MCCC2: variants seen among roughly 807,000 people sequenced by gnomAD.
MCCC2 encodes methylcrotonyl-CoA carboxylase subunit 2, also known as methylcrotonoyl-CoA carboxylase beta chain, mitochondrial.
MCCC2 carries 52 observed loss-of-function variants against 77.2 expected under a neutral mutation model. That is an observed-to-expected ratio of 0.67 (90% confidence interval 0.54 to 0.85). The LOEUF (loss-of-function observed/expected upper bound fraction) is 0.85. Among genes scored for constraint, MCCC2 ranks in the 40% least tolerant of loss-of-function variants. The probability of loss-of-function intolerance (pLI) is 0.00; values close to 1 mark genes in which losing one functional copy is unlikely to be tolerated. For missense variants in MCCC2, 682 were observed against 703.2 expected, an observed-to-expected ratio of 0.97 and a Z score of 0.34; for synonymous variants, 253 against 248.4, an observed-to-expected ratio of 1.02 and a Z score of -0.18.
At chr5:71,603,730 T>C (rs928411062) in intron 5 of MCCC2, among the ~76,000 whole-genome samples, 1 of 152,204 alleles carries the variant, frequency 6.6e-6, no homozygotes, top group Non-Finnish European at 1.5e-5. Context: ...CAGCATATAA[T>C]GTGCAACCAA....
intron 5 of MCCC2, 78 bp from the exon 6 acceptor site, chr5:71,604,278 T>G (rs1745575465): frequency 8.3e-7 from 1 of 1,201,208 alleles, no homozygotes; most frequent in Non-Finnish European, 1.2e-6. Flanking sequence ...GAACTGATGC[T>G]GTCATTGATA....
Position 71,649,205 on chromosome 5 carries a change from GGGGCTCCTATGGAGCC to G in MCCC2, c.1328_1343del (p.Gly443GlufsTer25). 6.2e-7 allele frequency: 1 copy of G among 1,614,142 alleles called. No individual in the cohort carries two copies. Reference sequence around the variant, plus strand: ...GTGCCTAAGATAACCCTCATCATTGGGGGCTCCTATGGAGCCGGAAACTATGGGATGTGTGGCAGAG... The same window carrying G: ...GTGCCTAAGATAACCCTCATCATTGGGGAAACTATGGGATGTGTGGCAGAG... On this transcript the variant is annotated frameshift_variant, in exon 14 of 17. Coordinates refer to ENST00000340941, the MANE Select transcript of MCCC2 (RefSeq NM_022132.5). LOFTEE classifies it high-confidence loss of function.
intron 3 of MCCC2, 114 bp downstream of exon 3, chr5:71,596,478 C>T (rs1332198436): frequency 9.2e-6 from 9 of 982,266 alleles, no homozygotes; most frequent in East Asian, 4.8e-5. Context: ...GATTCAGGAA[C>T]ATGTGTTTAT....
In MCCC2 at chr5:71,656,765, G is replaced by A. The variant is rs773127732; in HGVS notation, c.1597G>A (p.Asp533Asn). The A allele has an allele frequency of 7.4e-6, 12 of 1,613,852 alleles. No homozygotes were observed. Among genetic ancestry groups the A allele is most frequent in the Non-Finnish European group, 7.6e-6 (9 of 1,179,934 alleles). Residue 533 changes from aspartate to asparagine, a missense_variant, in exon 17 of 17, where the codon GAT becomes AAT. Physicochemically the swap from Asp to Asn is conservative, Grantham distance 23 (BLOSUM62 1). Coordinates refer to ENST00000340941, the MANE Select transcript of MCCC2 (RefSeq NM_022132.5). ...CAGGGTATGGGATGATGGGATCATTGATCCAGCAGACACCAGACTGGTCTT... is the reference window on the plus strand; with the variant it reads ...CAGGGTATGGGATGATGGGATCATTAATCCAGCAGACACCAGACTGGTCTT... Reference protein sequence around the residue: ...SARVWDDGIIDPADTRLVLGL... With the variant: ...SARVWDDGIINPADTRLVLGL...
intron 6 of MCCC2, among the ~76,000 whole-genome samples, chr5:71,615,246 G>A (rs1746123438): frequency 6.6e-6 from 1 of 152,144 alleles, no homozygotes; most frequent in Admixed American, 6.5e-5. Flanking sequence ...TAGGATTATA[G>A]GCGTGAGCCA....
chr5:71,644,032 C>CCTGT (rs746221732), intron 12 of MCCC2, 137 bp downstream of exon 12: 5 of 538,738 alleles, frequency 9.3e-6, no homozygotes, highest in East Asian at 5.4e-5. Context: ...TGTGCGCGGG[C>CCTGT]ATGTGTGTGT....
At chr5:71,632,494 C>T (rs914436591) in intron 8 of MCCC2, among the ~76,000 whole-genome samples, 1 of 152,104 alleles carries the variant, frequency 6.6e-6, no homozygotes, top group Non-Finnish European at 1.5e-5. Context: ...TCTTTGACTT[C>T]GAGGACCTTA....
intron 1 of MCCC2, among the ~76,000 whole-genome samples, chr5:71,591,230 AAAATGTATT>A (rs1434335141): frequency 6.6e-6 from 1 of 152,240 alleles, no homozygotes; most frequent in East Asian, 1.9e-4. Flanking sequence ...CATGGGGAGC[AAAATGTATT>A]AGTGGGCCAA....
chr5:71,651,671 G>A (rs993667072), intron 15 of MCCC2, among the ~76,000 whole-genome samples: 9 of 152,246 alleles, frequency 5.9e-5, no homozygotes, highest in East Asian at 1.9e-4. Context: ...CCAAGCACTC[G>A]GAACTCTGGA....
intron 6 of MCCC2, among the ~76,000 whole-genome samples, chr5:71,612,576 T>C (rs1359602670): frequency 1.3e-5 from 2 of 152,184 alleles, no homozygotes; most frequent in African/African-American, 4.8e-5. Context: ...CAGGCTGGTC[T>C]CAAATTCTTG....
rs574486848 is a variant in MCCC2 at position 71,604,416 on chromosome 5, T to G, written c.572T>G (p.Phe191Cys). ...QADVFPDRDH[F>C]GRTFYNQAIM... Reference sequence around the variant, plus strand: ...GATGTGTTTCCAGATCGAGACCACTTTGGCCGTACATTCTATAATCAGGCA... The same window carrying G: ...GATGTGTTTCCAGATCGAGACCACTGTGGCCGTACATTCTATAATCAGGCA... The change falls in exon 6 of 17, where the codon TTT becomes TGT. Residue 191 changes from phenylalanine (F) to cysteine (C), a missense_variant. Phe to Cys is a radical substitution (Grantham distance 205). Transcript: ENST00000340941. 1 of 1,614,134 alleles carries G rather than the reference T, an allele frequency of 6.2e-7. No individual in the cohort carries two copies. The highest frequency in any genetic ancestry group is 2.2e-5 in the East Asian group (1 of 44,878).
rs189822699 is a variant in MCCC2 at position 71,627,772 on chromosome 5, G to A, written c.738+1019G>A. 8.5e-4 allele frequency among the ~76,000 whole-genome samples: 129 copies of A among 151,496 alleles called. 1 individual carries two copies. The highest frequency in any genetic ancestry group is 1.5e-3 in the Non-Finnish European group (100 of 67,936). Reference sequence around the variant, plus strand: ...CAGCCATCTTTGGGGGTGTGAGGTAGTACCTCATTTTGGTTTTGATTTGCA... The same window carrying A: ...CAGCCATCTTTGGGGGTGTGAGGTAATACCTCATTTTGGTTTTGATTTGCA... On this transcript the variant is annotated intron_variant, in intron 7 of 16. Coordinates refer to ENST00000340941, the MANE Select transcript of MCCC2 (RefSeq NM_022132.5).
At chr5:71,597,537 T>C (rs1561819865) in intron 3 of MCCC2, among the ~76,000 whole-genome samples, 2 of 151,974 alleles carry the variant, frequency 1.3e-5, no homozygotes, top group Non-Finnish European at 2.9e-5. Context: ...AGGGTAGTAG[T>C]AGTGGTGGTG....
chr5:71,644,074 C>CGTGTGT (rs1224306842), intron 12 of MCCC2, among the ~76,000 whole-genome samples, 179 bp downstream of exon 12: 1 of 134,446 alleles, frequency 7.4e-6, no homozygotes, highest in Admixed American at 6.8e-5. Context: ...TGTGTGTGCG[C>CGTGTGT]GCGTGTGTAT....
chr5:71,652,552 A>G, intron 15 of MCCC2, 117 bp from the exon 16 acceptor site: 1 of 796,520 alleles, frequency 1.3e-6, no homozygotes, highest in Admixed American at 2.0e-5. Context: ...ATCACTATGC[A>G]CATGTTAGAT....
At chr5:71,623,627 T>G (rs1018568768) in intron 6 of MCCC2, among the ~76,000 whole-genome samples, 2 of 152,184 alleles carry the variant, frequency 1.3e-5, no homozygotes, top group African/African-American at 4.8e-5. Context: ...CCATATTCTC[T>G]TTATTACAAG....
chr5:71,599,695 C>A lies in MCCC2; in HGVS notation c.318C>A (p.Tyr106Ter), dbSNP rs2112308910. ...TGGAATTATCCCAGTTTGCAGGTTA[C>A]CAGTTATATGACAATGAGGAGGTGC... ...PFLELSQFAG[Y>*]QLYDNEEVPG... is the part of the protein sequence containing the mutation. The change falls in exon 4 of 17, where the codon TAC becomes TAA. Residue 106 changes from tyrosine (Y) to a stop codon, truncating the protein, a stop_gained. Coordinates refer to ENST00000340941, the MANE Select transcript of MCCC2 (RefSeq NM_022132.5). LOFTEE classifies it high-confidence loss of function. 1.2e-6 allele frequency: 2 copies of A among 1,614,084 alleles called. No homozygotes were observed. Among genetic ancestry groups the A allele is most frequent in the Non-Finnish European group, 1.7e-6 (2 of 1,180,000 alleles).
intron 8 of MCCC2, among the ~76,000 whole-genome samples, chr5:71,634,046 TC>T (rs1170250753): frequency 4.6e-5 from 7 of 152,194 alleles, no homozygotes; most frequent in African/African-American, 1.7e-4. Flanking sequence ...AAGATATGTC[TC>T]CCAAGGAGTT....
chr5:71,614,227 T>A (rs539963394), intron 6 of MCCC2, among the ~76,000 whole-genome samples: 13 of 152,246 alleles, frequency 8.5e-5, no homozygotes, highest in African/African-American at 3.1e-4. Flanking sequence ...AAACCTGATA[T>A]CTGCACTGAA....
Sources: gnomAD v4.1 joint callset for allele counts (sites outside exome capture counted in the v4.1 genomes callset) on GRCh38, gnomAD v4.1.1 for gene constraint, MANE v1.5 for transcripts, NCBI Gene and HGNC (gene_info 2026-07-23, HGNC 2026-07-21) for gene names.